The following SPATA13 variants were observed in gnomAD, a reference collection of about 807,000 sequenced individuals.
SPATA13 encodes spermatogenesis-associated protein 13.
A neutral mutation model predicts 104.0 loss-of-function variants in SPATA13; 50 were observed. The observed-to-expected ratio is 0.48, with a 90% confidence interval of 0.38 to 0.61. The LOEUF is 0.61. Ranked by LOEUF, SPATA13 falls within the 20% of genes least tolerant of loss-of-function variation. The pLI is 0.00. For synonymous variants in SPATA13, 606 were observed against 667.5 expected (o/e 0.91, Z 1.42); for missense variants, 1,524 against 1,690.6 (o/e 0.90, Z 1.73).
At chr13:23,985,385 G>T (rs947204928) in intron 2 of SPATA13, among the ~76,000 whole-genome samples, 3 of 152,240 alleles carry the variant, frequency 2.0e-5, no homozygotes. Flanking sequence ...CGGCTGATGT[G>T]GGGGCTCAGT....
rs1478564343 is a variant in SPATA13 at position 24,223,317 on chromosome 13, G to A, written c.388G>A (p.Gly130Arg). ...SVLKGIQSRE[G>R]SNACSKGEAS... ...CCTGAAAGGAATTCAGAGCCGAGAG[G>A]GGTCAAATGCCTGTTCAAAGGGAGA... Residue 130 changes from glycine (G) to arginine (R), a missense_variant, in exon 2 of 13, where the codon GGG becomes AGG. Coordinates refer to ENST00000382108, the MANE Select transcript of SPATA13 (RefSeq NM_001166271.3). 6.4e-7 allele frequency: 1 copy of A among 1,551,400 alleles called. No individual in the cohort carries two copies. Among genetic ancestry groups the A allele is most frequent in the African/African-American group, 1.4e-5 (1 of 73,062 alleles).
chr13:24,297,452 G>A lies in SPATA13; in HGVS notation c.3300G>A (p.Thr1100=), dbSNP rs749041468. 6.8e-6 allele frequency: 11 copies of A among 1,614,066 alleles called. No homozygotes were observed. Among genetic ancestry groups the A allele is most frequent in the African/African-American group, 1.3e-5 (1 of 74,930 alleles). Residue 1100 remains threonine, a synonymous_variant, in exon 11 of 13, where the codon ACG becomes ACA. Transcript: ENST00000382108. ...AGCAAGGCAAAAGCCAGCAGCGGAC[G>A]TTCTTCCTGTTTGACCACCAGCTGG... is the stretch of plus-strand genomic sequence containing the variant. ...ITKQGKSQQR[T]FFLFDHQLVS...
intron 1 of SPATA13, among the ~76,000 whole-genome samples, chr13:24,193,178 T>C (rs1224118300): frequency 6.6e-6 from 1 of 151,626 alleles, no homozygotes. Flanking sequence ...GCTGGATGGA[T>C]AGGAGAGTAG....
chr13:24,095,206 A>G (rs1880033757), intron 3 of SPATA13, among the ~76,000 whole-genome samples: 1 of 152,266 alleles, frequency 6.6e-6, no homozygotes, highest in East Asian at 1.9e-4. Flanking sequence ...CACATAGGCA[A>G]TGAAATATTA....
chr13:24,036,848 T>C (rs987962855), intron 3 of SPATA13, among the ~76,000 whole-genome samples: 13 of 152,240 alleles, frequency 8.5e-5, no homozygotes, highest in African/African-American at 2.9e-4. Context: ...CAATCTCGGC[T>C]CACTGCAACC....
At chr13:24,195,391 AT>A (rs752393153) in intron 1 of SPATA13, among the ~76,000 whole-genome samples, 31 of 152,196 alleles carry the variant, frequency 2.0e-4, no homozygotes, top group Non-Finnish European at 4.3e-4. Flanking sequence ...TTTGACCATT[AT>A]GAATAATGCT....
chr13:24,028,772 A>G (rs955667713), intron 3 of SPATA13, among the ~76,000 whole-genome samples: 3 of 152,064 alleles, frequency 2.0e-5, no homozygotes, highest in Non-Finnish European at 4.4e-5. Context: ...TCTTTACTCA[A>G]CTGTGTGTAA....
intron 3 of SPATA13, among the ~76,000 whole-genome samples, chr13:24,133,216 C>T (rs990401178): frequency 6.6e-6 from 1 of 152,082 alleles, no homozygotes; most frequent in African/African-American, 2.4e-5. Context: ...GATCAAACTG[C>T]CCCACCACAG....
In SPATA13 at chr13:24,290,667, A is replaced by G; in HGVS notation, c.2863A>G (p.Ile955Val). 1.2e-6 allele frequency: 2 copies of G among 1,614,070 alleles called. No homozygotes were observed. Among genetic ancestry groups the G allele is most frequent in the Non-Finnish European group, 1.7e-6 (2 of 1,179,922 alleles). ...TCCTTCCCAGCAAGAGGGCTTTGCC[A>G]TCTATTCCGAGTACTGCAACAACCA... Reference protein sequence around the residue: ...CFLQNQEGFAIYSEYCNNHPG... With the variant: ...CFLQNQEGFAVYSEYCNNHPG... The change falls in exon 9 of 13, where the codon ATC becomes GTC. Residue 955 changes from isoleucine (I) to valine (V), a missense_variant. Transcript: ENST00000382108.
intron 3 of SPATA13, among the ~76,000 whole-genome samples, chr13:24,042,155 A>G (rs1185855375): frequency 6.6e-6 from 1 of 151,940 alleles, no homozygotes; most frequent in Non-Finnish European, 1.5e-5. Flanking sequence ...AGCGTTGGCT[A>G]TGACCACCTA....
chr13:24,159,196 T>G (rs1427749701), upstream of SPATA13, among the ~76,000 whole-genome samples: 1 of 152,230 alleles, frequency 6.6e-6, no homozygotes, highest in Non-Finnish European at 1.5e-5. Flanking sequence ...GTGCAGATTT[T>G]TTATAGAGTA....
chr13:24,158,027 C>T (rs1446771529), upstream of SPATA13, among the ~76,000 whole-genome samples: 2 of 152,154 alleles, frequency 1.3e-5, no homozygotes, highest in African/African-American at 4.8e-5. Context: ...GGGAAAGACA[C>T]ATTCTAGTTT....
chr13:24,239,315 C>CT (rs1202137940), intron 2 of SPATA13, among the ~76,000 whole-genome samples: 2 of 152,104 alleles, frequency 1.3e-5, no homozygotes, highest in Non-Finnish European at 2.9e-5. Context: ...TAGTGGTCCT[C>CT]TATCACTAAT....
At chr13:24,242,601 C>A (rs115656576) in intron 2 of SPATA13, among the ~76,000 whole-genome samples, 1 of 152,130 alleles carries the variant, frequency 6.6e-6, no homozygotes, top group Non-Finnish European at 1.5e-5. Context: ...GGGGTAATTA[C>A]GTCTTCTTTG....
chr13:24,062,176 A>G (rs1430849087), intron 3 of SPATA13, among the ~76,000 whole-genome samples: 1 of 152,154 alleles, frequency 6.6e-6, no homozygotes. Flanking sequence ...CTCTACTGTG[A>G]CCTCTGGTAC....
chr13:24,002,658 A>G (rs773326310), intron 2 of SPATA13, among the ~76,000 whole-genome samples: 13 of 152,092 alleles, frequency 8.5e-5, no homozygotes, highest in Non-Finnish European at 1.6e-4. Flanking sequence ...TCCTTGGAAT[A>G]GGACTGCCGC....
At chr13:24,137,509 C>CT (rs1566117536) in intron 3 of SPATA13, among the ~76,000 whole-genome samples, 1 of 152,182 alleles carries the variant, frequency 6.6e-6, no homozygotes, top group Non-Finnish European at 1.5e-5. Context: ...CCATGTGATC[C>CT]AGCACTTTGG....
rs201481847 is a variant in SPATA13 at position 24,237,991 on chromosome 13, AAT to A, written c.1654-11474_1654-11473del. On this transcript the variant is annotated intron_variant, in intron 2 of 12. Transcript: ENST00000382108. Reference sequence around the variant, plus strand: ...AAATATGCAATATATAAACATGTATAATATATATATATAAATATATATATTTT... The same window carrying A: ...AAATATGCAATATATAAACATGTATAATATATATATAAATATATATATTTT... Among the ~76,000 whole-genome samples the A allele has an allele frequency of 1.4e-3, 136 of 95,760 alleles. 1 individual carries two copies. The highest frequency in any genetic ancestry group is 2.5e-3 in the Non-Finnish European group (109 of 44,000). The allele number at this position is 95,760 out of a possible 152,430, so 62.8% of individuals were successfully genotyped here. A position where few individuals can be genotyped will look rare whatever the true frequency, so the allele number is the denominator to read the frequency against.
chr13:24,145,102 G>A (rs1443945203), intron 3 of SPATA13, among the ~76,000 whole-genome samples: 4 of 152,170 alleles, frequency 2.6e-5, no homozygotes, highest in Non-Finnish European at 5.9e-5. Context: ...GACTGTCGTA[G>A]CCACCTTCTT....
Sources: allele counts gnomAD v4.1 joint callset (sites outside exome capture counted in the v4.1 genomes callset), GRCh38; gene constraint gnomAD v4.1.1; transcripts MANE v1.5; gene names NCBI Gene and HGNC (gene_info 2026-07-23, HGNC 2026-07-21).